ACTN1: variants seen among roughly 807,000 people sequenced by gnomAD.
ACTN1 encodes alpha-actinin-1.
A neutral mutation model predicts 119.6 loss-of-function variants in ACTN1; 30 were observed. That is an observed-to-expected ratio of 0.25 (90% CI 0.19 to 0.34). The LOEUF (loss-of-function observed/expected upper bound fraction) is 0.34. Ranked by LOEUF, ACTN1 falls within the 10% of genes least tolerant of loss-of-function variation. The pLI, the probability that ACTN1 is intolerant of heterozygous loss-of-function variation, is 1.00. For synonymous variants in ACTN1, 429 were observed against 472.6 expected (o/e 0.91, Z 1.20); for missense variants, 764 against 1,223.4 (o/e 0.62, Z 5.60).
intron 3 of ACTN1, among the ~76,000 whole-genome samples, chr14:68,913,358 A>C (rs1253577255): frequency 6.6e-6 from 1 of 152,214 alleles, no homozygotes; most frequent in African/African-American, 2.4e-5. Context: ...GGCCCATGGT[A>C]AGACACGCTC....
chr14:68,885,454 C>T lies in ACTN1; in HGVS notation c.1356G>A (p.Glu452=), dbSNP rs149437344. The change falls in exon 12 of 22, where the codon GAG becomes GAA. Residue 452 remains glutamate, a synonymous_variant. Coordinates refer to ENST00000394419, the MANE Select transcript of ACTN1 (RefSeq NM_001130004.2). The surrounding 1 kb of genome is among the most constrained non-coding windows in gnomAD (Gnocchi z 5.6). ...GCTCCTGTGCGATGGCGGCAATCTG[C>T]TCCACACGGTCCTGGTGGGCAGCCA... ...SDLAAHQDRV[E]QIAAIAQELN... is the part of the protein sequence containing the mutation. 1.2e-4 allele frequency: 195 copies of T among 1,613,890 alleles called. 1 individual carries two copies. The African/African-American group carries it at 1.9e-3, about 15-fold the overall frequency.
chr14:68,923,885 G>A (rs1393441823), intron 2 of ACTN1, among the ~76,000 whole-genome samples: 1 of 152,128 alleles, frequency 6.6e-6, no homozygotes, highest in Non-Finnish European at 1.5e-5. Flanking sequence ...CAAAATGTGG[G>A]GAGCCATTTT....
In ACTN1 at chr14:68,878,636, A is replaced by G; in HGVS notation, c.2362-113T>C. The G allele has an allele frequency of 1.9e-6, 3 of 1,560,886 alleles. No homozygotes were observed. Among genetic ancestry groups the G allele is most frequent in the Non-Finnish European group, 2.6e-6 (3 of 1,153,786 alleles). On this transcript the variant is annotated intron_variant, in intron 19 of 21. Transcript: ENST00000394419. The surrounding 1 kb of genome is among the most constrained non-coding windows in gnomAD (Gnocchi z 4.4). ...GATGGCCAGAACGGGGATGAGATTT[A>G]TGGTTTTGGGGGTCAGGATAGGTAA...
At chr14:68,956,727 C>A (rs151053919) in intron 1 of ACTN1, among the ~76,000 whole-genome samples, 13 of 152,318 alleles carry the variant, frequency 8.5e-5, no homozygotes, top group African/African-American at 3.1e-4. Flanking sequence ...TGACCCACCT[C>A]CAATCCTCAT....
In ACTN1 at chr14:68,909,348, G is replaced by A. The variant is rs201187377; in HGVS notation, c.564C>T (p.Pro188=). The part of the protein sequence containing the change: ...GFCALIHRHR[P]ELIDYGKLRK... Reference sequence around the variant, plus strand: ...GCAGCTTCCCGTAGTCAATCAGCTCGGGCCGGTGTCGGTGGATCAAAGCAC... The same window carrying A: ...GCAGCTTCCCGTAGTCAATCAGCTCAGGCCGGTGTCGGTGGATCAAAGCAC... Residue 188 remains proline (P), a synonymous_variant, in exon 6 of 22, where the codon CCC becomes CCT. Transcript: ENST00000394419. The surrounding 1 kb of genome is among the most constrained non-coding windows in gnomAD (Gnocchi z 4.1). 7.2e-5 allele frequency: 116 copies of A among 1,614,068 alleles called. No individual in the cohort carries two copies. The highest frequency in any genetic ancestry group is 1.4e-4 in the South Asian group (13 of 91,080).
In ACTN1 at chr14:68,874,698, TA is replaced by T; in HGVS notation, c.*160del. On this transcript the variant is annotated 3_prime_UTR_variant, in exon 22 of 22. Coordinates refer to ENST00000394419, the MANE Select transcript of ACTN1 (RefSeq NM_001130004.2). The stretch of plus-strand genomic sequence containing the variant: ...TTCTTTTTTGCAGAAAATAATTTTG[TA>T]AACTGTCACTTCGCGGGCAGGGAGG... 1 of 614,336 alleles carries T rather than the reference TA, an allele frequency of 1.6e-6. No individual in the cohort carries two copies. Among genetic ancestry groups the T allele is most frequent in the Non-Finnish European group, 2.4e-6 (1 of 412,306 alleles). The allele number at this position is 614,336 out of a possible 1,614,324, so 38.1% of individuals were successfully genotyped here.
intron 1 of ACTN1, among the ~76,000 whole-genome samples, chr14:68,933,870 A>C (rs1050749598): frequency 2.6e-5 from 4 of 151,958 alleles, no homozygotes; most frequent in African/African-American, 9.7e-5. Flanking sequence ...CCAGCTCCTC[A>C]GTAGGCTAAG....
intron 6 of ACTN1, among the ~76,000 whole-genome samples, chr14:68,905,912 G>A (rs1007998806): frequency 1.3e-5 from 2 of 151,766 alleles, no homozygotes; most frequent in African/African-American, 4.9e-5. Flanking sequence ...GAACCCGGGA[G>A]GCAGAGGTTG....
rs758830672 is a variant in ACTN1 at position 68,882,997 on chromosome 14, C to T, written c.1694G>A (p.Arg565His). 3.7e-6 allele frequency: 6 copies of T among 1,614,154 alleles called. No individual in the cohort carries two copies. The highest frequency in any genetic ancestry group is 4.2e-6 in the Non-Finnish European group (5 of 1,180,044). Residue 565 changes from arginine to histidine, a missense_variant, in exon 15 of 22, where the codon CGC becomes CAC. Physicochemically the swap from Arg to His is conservative, Grantham distance 29. This residue lies in a region of ACTN1 where 544 missense variants were observed against 912.0 expected (regional missense o/e 0.60). Coordinates refer to ENST00000394419, the MANE Select transcript of ACTN1 (RefSeq NM_001130004.2). The surrounding 1 kb of genome is among the most constrained non-coding windows in gnomAD (Gnocchi z 4.5). The stretch of plus-strand genomic sequence containing the variant: ...ATTGTGGATGCCCAGGATGGCCAGG[C>T]GCTCCTTGTCGGCATCAGGGAGGGT... ...KATLPDADKERLAILGIHNEV... is the reference protein window; with the variant it reads ...KATLPDADKEHLAILGIHNEV...
intron 11 of ACTN1, chr14:68,886,966 T>C (rs1287099919): frequency 6.5e-6 from 1 of 153,696 alleles, no homozygotes; most frequent in African/African-American, 2.4e-5. Flanking sequence ...ATGTTCAGGA[T>C]GGATTTTTTT....
chr14:68,899,519 TAC>T lies in ACTN1; in HGVS notation c.762+2956_762+2957del, dbSNP rs201143797. ...CCTCACACCCACCACATCCATACCA[TAC>T]ACACACACCTCACACACACCCCATA... On this transcript the variant is annotated intron_variant, in intron 8 of 21. Transcript: ENST00000394419. Among the ~76,000 whole-genome samples the T allele has an allele frequency of 8.2e-3, 1,139 of 138,290 alleles. 16 individuals carry two copies. The highest frequency in any genetic ancestry group is 0.03 in the African/African-American group (1,082 of 36,240). 90.7% of individuals were successfully genotyped at this position (138,290 alleles called of 152,430 possible).
chr14:68,897,640 T>C (rs2032977825), intron 8 of ACTN1, among the ~76,000 whole-genome samples: 1 of 152,256 alleles, frequency 6.6e-6, no homozygotes, highest in African/African-American at 2.4e-5. Context: ...ATGTCATCTG[T>C]AGCCAAAATG....
At chr14:68,899,025 C>CCA (rs1009066703) in intron 8 of ACTN1, among the ~76,000 whole-genome samples, 2 of 137,612 alleles carry the variant, frequency 1.5e-5, no homozygotes, top group Non-Finnish European at 3.1e-5. Context: ...CCACAGCACA[C>CCA]CACACACACA....
chr14:68,964,641 A>G (rs1482079071), intron 1 of ACTN1, among the ~76,000 whole-genome samples: 1 of 152,186 alleles, frequency 6.6e-6, no homozygotes, highest in Non-Finnish European at 1.5e-5. Context: ...TTGGGAGAAA[A>G]TATTTAATCT....
At chr14:68,906,053 T>G (rs2033649370) in intron 6 of ACTN1, among the ~76,000 whole-genome samples, 1 of 148,678 alleles carries the variant, frequency 6.7e-6, no homozygotes, top group African/African-American at 2.5e-5. Context: ...GAAAGCAGAA[T>G]GGTAGCAGCC....
chr14:68,899,950 G>A (rs6573864), intron 8 of ACTN1, among the ~76,000 whole-genome samples: 25,112 of 152,138 alleles, frequency 0.17, 2,204 homozygotes, highest in South Asian at 0.22. Flanking sequence ...CAGGGGAGGG[G>A]CACAGGAACA....
In ACTN1 at chr14:68,892,181, G is replaced by C; in HGVS notation, c.958C>G (p.Arg320Gly). ...ACCTTGGGCGGCTTGTGCAGGCGCCGGTAGTCCCGGAAGTCCTCCAGCTTC... is the reference window on the plus strand; with the variant it reads ...ACCTTGGGCGGCTTGTGCAGGCGCCCGTAGTCCCGGAAGTCCTCCAGCTTC... ...QQKLEDFRDY[R>G]RLHKPPKVQE... is the part of the protein sequence containing the mutation. Residue 320 changes from arginine (R) to glycine (G), a missense_variant, in exon 10 of 22, where the codon CGG (arginine) becomes GGG (glycine). This residue lies in a region of ACTN1 where 544 missense variants were observed against 912.0 expected (regional missense o/e 0.60). Coordinates refer to ENST00000394419, the MANE Select transcript of ACTN1 (RefSeq NM_001130004.2). The C allele has an allele frequency of 6.2e-7, 1 of 1,614,162 alleles. No individual in the cohort carries two copies. Among genetic ancestry groups the C allele is most frequent in the Non-Finnish European group, 8.5e-7 (1 of 1,180,036 alleles).
Position 68,880,915 on chromosome 14 carries a change from C to T in ACTN1, c.2028G>A (p.Lys676=), listed in dbSNP as rs36039812. The change falls in exon 17 of 22, where the codon AAG becomes AAA. Residue 676 remains lysine (K), a synonymous_variant. Coordinates refer to ENST00000394419, the MANE Select transcript of ACTN1 (RefSeq NM_001130004.2). This position sits in a 1 kb window ranked among gnomAD's most constrained non-coding sequence, Gnocchi z 4.6. ...TCTTTGGCTTGTAGTTGACGATGCT[C>T]TTCTCATACTGCCGCAGGTGGCTGA... is the stretch of plus-strand genomic sequence containing the variant. ...DQLSHLRQYE[K]SIVNYKPKID... 67,574 of 1,614,104 alleles carry T rather than the reference C, an allele frequency of 0.042. 1,893 individuals carry two copies. Among genetic ancestry groups the T allele is most frequent in the South Asian group, 0.11 (9,882 of 91,074 alleles).
At chr14:68,934,106 C>T (rs916007325) in intron 1 of ACTN1, among the ~76,000 whole-genome samples, 3 of 152,162 alleles carry the variant, frequency 2.0e-5, no homozygotes, top group Non-Finnish European at 2.9e-5. Context: ...TGAATTAAGA[C>T]CCAATGGGTC....
Sources: gnomAD v4.1 joint callset for allele counts (sites outside exome capture counted in the v4.1 genomes callset) on GRCh38, gnomAD v4.1.1 for gene constraint, gnomAD v4.1.1 regional missense constraint, Gnocchi (gnomAD v3.1) non-coding constraint, MANE v1.5 for transcripts, NCBI Gene and HGNC (gene_info 2026-07-23, HGNC 2026-07-21) for gene names.